PEBP4: variants seen among roughly 807,000 people sequenced by gnomAD.
The protein encoded by PEBP4 is phosphatidylethanolamine binding protein 4, also known as phosphatidylethanolamine-binding protein 4.
In PEBP4, 22 loss-of-function variants were observed where a neutral mutation model predicts 23.9. The observed-to-expected ratio is 0.92, with a 90% CI of 0.66 to 1.31. The LOEUF (loss-of-function observed/expected upper bound fraction) is 1.31. Ranked by LOEUF, PEBP4 falls within the 40% of genes most tolerant of loss-of-function variation. The pLI, the probability that PEBP4 is intolerant of heterozygous loss-of-function variation, is 0.00. For synonymous variants in PEBP4, 112 were observed against 99.3 expected, an observed-to-expected ratio of 1.13 and a Z score of -0.76; for missense variants, 324 against 281.7, an observed-to-expected ratio of 1.15 and a Z score of -1.07.
chr8:22,766,159 C>A (rs1805610929), intron 4 of PEBP4, among the ~76,000 whole-genome samples: 1 of 152,216 alleles, frequency 6.6e-6, no homozygotes, highest in Non-Finnish European at 1.5e-5. Flanking sequence ...ACAGTCTTGG[C>A]CAGTCTTGTC....
chr8:22,880,704 C>G (rs966838234), intron 3 of PEBP4: 1 of 152,598 alleles, frequency 6.6e-6, no homozygotes, highest in Non-Finnish European at 1.5e-5. Context: ...CCTCCCCATT[C>G]TGCAGCCTTC....
At chr8:22,763,225 G>A (rs983706645) in intron 4 of PEBP4, among the ~76,000 whole-genome samples, 5 of 152,068 alleles carry the variant, frequency 3.3e-5, no homozygotes, top group Non-Finnish European at 5.9e-5. Context: ...GGCTGGTCTC[G>A]AACTCCTGAC....
intron 2 of PEBP4, among the ~76,000 whole-genome samples, chr8:22,926,760 C>G (rs532979633): frequency 4.5e-4 from 69 of 152,130 alleles, no homozygotes; most frequent in Non-Finnish European, 9.1e-4. Context: ...AAAAGAAAAA[C>G]AAACATTTTC....
chr8:22,768,787 T>C (rs113218380), intron 4 of PEBP4, among the ~76,000 whole-genome samples: 4,500 of 152,160 alleles, frequency 0.03, 86 homozygotes, highest in South Asian at 0.089. Context: ...CAGGAGGCAG[T>C]ATTCCATTTG....
At chr8:22,795,118 T>A (rs1806215842) in intron 4 of PEBP4, among the ~76,000 whole-genome samples, 1 of 138,524 alleles carries the variant, frequency 7.2e-6, no homozygotes, top group Non-Finnish European at 1.5e-5. Context: ...ATTTTATATA[T>A]ATGTGTGTAT....
chr8:22,849,699 T>C (rs552141174), intron 3 of PEBP4, among the ~76,000 whole-genome samples: 7 of 152,344 alleles, frequency 4.6e-5, no homozygotes, highest in Admixed American at 4.6e-4. Flanking sequence ...GTCTTGAATA[T>C]GCTACTTGGC....
At chr8:22,818,069 CT>C (rs905720203) in intron 3 of PEBP4, among the ~76,000 whole-genome samples, 1 of 152,204 alleles carries the variant, frequency 6.6e-6, no homozygotes, top group African/African-American at 2.4e-5. Flanking sequence ...GTCTCTGGTC[CT>C]CTCAAGAAGA....
chr8:22,930,824 A>T (rs1437439034), upstream of PEBP4, among the ~76,000 whole-genome samples: 1 of 152,048 alleles, frequency 6.6e-6, no homozygotes, highest in Non-Finnish European at 1.5e-5. Context: ...GCGGAGTGAC[A>T]ATTCTCCCTC....
chr8:22,932,478 T>G (rs993829298), upstream of PEBP4, among the ~76,000 whole-genome samples: 4 of 152,014 alleles, frequency 2.6e-5, no homozygotes, highest in African/African-American at 9.7e-5. Flanking sequence ...AATGGATGAT[T>G]AGGAAGCTCC....
chr8:22,892,312 G>A (rs1808510960), intron 3 of PEBP4, among the ~76,000 whole-genome samples: 1 of 152,202 alleles, frequency 6.6e-6, no homozygotes, highest in Non-Finnish European at 1.5e-5. Flanking sequence ...GTTTTTAAGT[G>A]TATAATTCAG....
intron 4 of PEBP4, among the ~76,000 whole-genome samples, chr8:22,785,621 T>C (rs1806012263): frequency 6.6e-6 from 1 of 152,078 alleles, no homozygotes; most frequent in Admixed American, 6.5e-5. Flanking sequence ...ATCCAGGGTG[T>C]GAAGGAGTCA....
At chr8:22,738,767 GCTCA>G (rs1406403727) in intron 4 of PEBP4, among the ~76,000 whole-genome samples, 1 of 152,104 alleles carries the variant, frequency 6.6e-6, no homozygotes, top group African/African-American at 2.4e-5. Context: ...GTTCACACAT[GCTCA>G]CTCACACACA....
chr8:22,940,218 G>C (rs1314478847), intron 1 of PEBP4, among the ~76,000 whole-genome samples: 2 of 152,182 alleles, frequency 1.3e-5, no homozygotes, highest in Non-Finnish European at 2.9e-5. Context: ...TATCATGGAA[G>C]GGAGAATGAG....
At chr8:22,812,912 C>T (rs2128760961) in intron 4 of PEBP4, among the ~76,000 whole-genome samples, 1 of 152,244 alleles carries the variant, frequency 6.6e-6, no homozygotes, top group South Asian at 2.1e-4. Flanking sequence ...TGTCTCCACC[C>T]TGAAGAGTGA....
intron 3 of PEBP4, among the ~76,000 whole-genome samples, chr8:22,918,924 T>TGTGTGCACATGTGCACACATGTGCAC (rs1034125664): frequency 7.2e-6 from 1 of 139,120 alleles, no homozygotes; most frequent in African/African-American, 2.6e-5. Flanking sequence ...TGCAAGTGTG[T>TGTGTGCACATGTGCACACATGTGCAC]GTGTGCACAT....
intron 1 of PEBP4, among the ~76,000 whole-genome samples, chr8:22,938,371 G>A (rs1162618623): frequency 6.6e-6 from 1 of 152,054 alleles, no homozygotes; most frequent in Non-Finnish European, 1.5e-5. Context: ...GACCCACCTG[G>A]CTTACTTTTG....
At chr8:22,907,801 T>C (rs13260926) in intron 3 of PEBP4, among the ~76,000 whole-genome samples, 29,357 of 152,040 alleles carry the variant, frequency 0.19, 3,087 homozygotes, top group East Asian at 0.28. Context: ...GCAGAGGTGG[T>C]GGCAGGGAGA....
At chr8:22,843,457 T>C (rs1245688556) in intron 3 of PEBP4, among the ~76,000 whole-genome samples, 1 of 152,304 alleles carries the variant, frequency 6.6e-6, no homozygotes, top group East Asian at 1.9e-4. Flanking sequence ...AATGGGTTGC[T>C]CCATCTAAGT....
intron 4 of PEBP4, among the ~76,000 whole-genome samples, chr8:22,776,076 A>T (rs2128754559): frequency 6.6e-6 from 1 of 152,120 alleles, no homozygotes; most frequent in South Asian, 2.1e-4. Context: ...GGCCCTGGGG[A>T]CCACTGGGAC....
Sources: gnomAD v4.1 joint callset for allele counts (sites outside exome capture counted in the v4.1 genomes callset) on GRCh38, gnomAD v4.1.1 for gene constraint, MANE v1.5 for transcripts, NCBI Gene and HGNC (gene_info 2026-07-23, HGNC 2026-07-21) for gene names.